The following GHR variants were observed in gnomAD, a reference collection of about 807,000 sequenced individuals.
GHR encodes GH receptor.
Under a neutral mutation model 67.1 loss-of-function variants are expected in GHR, and 35 were observed. The ratio of observed to expected loss-of-function variants is 0.52; its 90% CI spans 0.40 to 0.69. The LOEUF is 0.69. Ranked by LOEUF, GHR falls within the 30% of genes least tolerant of loss-of-function variation. GHR has a pLI of 0.00. For missense variants in GHR, 792 were observed against 764.6 expected (o/e 1.04, Z -0.42); for synonymous variants, 272 against 269.1 (o/e 1.01, Z -0.10).
chr5:42,560,049 A>G (rs371040737), intron 1 of GHR, among the ~76,000 whole-genome samples: 1 of 152,192 alleles, frequency 6.6e-6, no homozygotes, highest in East Asian at 1.9e-4. Flanking sequence ...TATTAACATC[A>G]TGCTTCTAAG....
chr5:42,672,037 A>G (rs1188329397), intron 3 of GHR, among the ~76,000 whole-genome samples: 1 of 152,068 alleles, frequency 6.6e-6, no homozygotes, highest in African/African-American at 2.4e-5. Context: ...ACCCACAACA[A>G]CATAATAATA....
chr5:42,622,028 T>A (rs900157395), intron 2 of GHR, among the ~76,000 whole-genome samples: 2 of 152,110 alleles, frequency 1.3e-5, no homozygotes, highest in Non-Finnish European at 2.9e-5. Context: ...CAAAAGATAT[T>A]CCAGCTTAGA....
intron 6 of GHR, among the ~76,000 whole-genome samples, chr5:42,709,148 TC>T (rs34585655): frequency 6.6e-6 from 1 of 151,750 alleles, no homozygotes; most frequent in Non-Finnish European, 1.5e-5. Context: ...CTTTTTTTTC[TC>T]CCCCCCACAG....
At chr5:42,476,640 C>T (rs1160745983) in intron 1 of GHR, among the ~76,000 whole-genome samples, 4 of 152,176 alleles carry the variant, frequency 2.6e-5, no homozygotes, top group Non-Finnish European at 5.9e-5. Context: ...TCTCCTTTTC[C>T]TCTACTACTT....
intron 4 of GHR, among the ~76,000 whole-genome samples, chr5:42,692,466 C>A (rs1160794751): frequency 2.0e-5 from 3 of 152,162 alleles, no homozygotes; most frequent in East Asian, 1.9e-4. Context: ...GCAAGTGACA[C>A]AGTATCTGTT....
chr5:42,689,611 C>T (rs917299141), intron 4 of GHR, among the ~76,000 whole-genome samples: 7 of 152,038 alleles, frequency 4.6e-5, no homozygotes, highest in South Asian at 4.1e-4. Context: ...ATTGCAAGTA[C>T]AAAGTCCCTG....
At chr5:42,665,701 C>A (rs189516793) in intron 3 of GHR, among the ~76,000 whole-genome samples, 9 of 151,242 alleles carry the variant, frequency 6.0e-5, no homozygotes, top group Non-Finnish European at 8.8e-5. Context: ...ACACATGTGA[C>A]TAACCTGCAC....
At chr5:42,578,998 CT>C (rs1447966923) in intron 2 of GHR, among the ~76,000 whole-genome samples, 1 of 151,934 alleles carries the variant, frequency 6.6e-6, no homozygotes, top group African/African-American at 2.4e-5. Flanking sequence ...AGAATTAGGT[CT>C]GTTTTAGTTC....
intron 3 of GHR, among the ~76,000 whole-genome samples, chr5:42,660,426 G>A (rs553202524): frequency 1.3e-4 from 20 of 152,286 alleles, no homozygotes; most frequent in East Asian, 5.8e-4. Flanking sequence ...CCAGAGGAAC[G>A]ATCAGGCAGC....
At chr5:42,600,641 C>T (rs879355684) in intron 2 of GHR, among the ~76,000 whole-genome samples, 10 of 152,228 alleles carry the variant, frequency 6.6e-5, no homozygotes, top group African/African-American at 1.2e-4. Context: ...TCACAGTCAG[C>T]AGCTATACCA....
intron 1 of GHR, among the ~76,000 whole-genome samples, chr5:42,503,241 C>T (rs1364905415): frequency 6.6e-6 from 1 of 152,082 alleles, no homozygotes; most frequent in Non-Finnish European, 1.5e-5. Flanking sequence ...TTAGGAAATG[C>T]CTTTGACCTT....
chr5:42,576,616 G>A (rs1049662466), intron 2 of GHR, among the ~76,000 whole-genome samples: 4 of 152,102 alleles, frequency 2.6e-5, no homozygotes, highest in African/African-American at 7.2e-5. Flanking sequence ...ATTTGCACAA[G>A]GAAATTTTGG....
intron 2 of GHR, among the ~76,000 whole-genome samples, chr5:42,579,102 G>GAT (rs1750946756): frequency 1.2e-5 from 1 of 84,224 alleles, no homozygotes; most frequent in Non-Finnish European, 2.8e-5. Flanking sequence ...TAGATAGATA[G>GAT]ATAGATAGAT....
At chr5:42,644,415 A>G (rs1580115458) in intron 3 of GHR, among the ~76,000 whole-genome samples, 2 of 152,146 alleles carry the variant, frequency 1.3e-5, no homozygotes. Context: ...GCTGAAAGAA[A>G]TTGTCTGGTT....
intron 1 of GHR, among the ~76,000 whole-genome samples, chr5:42,495,208 C>T (rs138644292): frequency 2.6e-4 from 39 of 151,822 alleles, no homozygotes; most frequent in African/African-American, 8.9e-4. Flanking sequence ...GAAGATGTGC[C>T]CACACCACAT....
Position 42,423,521 on chromosome 5 carries a change from A to G in GHR, c.-446A>G, listed in dbSNP as rs1299738680. On this transcript the variant is annotated 5_prime_UTR_variant, in exon 1 of 10. Transcript: ENST00000230882. The stretch of plus-strand genomic sequence containing the variant: ...ACTCGGAATGCTTGGCCCGGGCGGC[A>G]CTCGGCCTCTCCGCAGCAGTTCTCG... Among the ~76,000 whole-genome samples, 1 of 151,380 alleles carries G rather than the reference A, an allele frequency of 6.6e-6. No individual in the cohort carries two copies. The highest frequency in any genetic ancestry group is 1.5e-5 in the Non-Finnish European group (1 of 67,814).
intron 1 of GHR, among the ~76,000 whole-genome samples, chr5:42,527,469 C>A (rs1478158968): frequency 6.6e-6 from 1 of 152,152 alleles, no homozygotes; most frequent in East Asian, 1.9e-4. Flanking sequence ...CAAAGAAGGG[C>A]ATTACATAAT....
In GHR at chr5:42,714,688, C is replaced by T. The variant is rs567064904; in HGVS notation, c.875+1169C>T. On this transcript the variant is annotated intron_variant, in intron 8 of 9. Coordinates refer to ENST00000230882, the MANE Select transcript of GHR (RefSeq NM_000163.5). ...TTCCATTTTGCACCTAACTTTCTGG[C>T]AACATTCCTGTTTTCCAAAAAAGCA... 9.9e-5 allele frequency among the ~76,000 whole-genome samples: 15 copies of T among 152,234 alleles called. No homozygotes were observed. In the South Asian group the frequency reaches 3.1e-3, roughly 32 times the overall value.
Position 42,565,867 on chromosome 5 carries a change from C to G in GHR, c.-8C>G. ...CTTACCCTTTTTGTGATTGCAGGTCCTACAGGTATGGATCTCTGGCAGCTG... is the reference window on the plus strand; with the variant it reads ...CTTACCCTTTTTGTGATTGCAGGTCGTACAGGTATGGATCTCTGGCAGCTG... On this transcript the variant is annotated 5_prime_UTR_variant, in exon 2 of 10. Transcript: ENST00000230882. 1 of 1,613,942 alleles carries G rather than the reference C, an allele frequency of 6.2e-7. No individual in the cohort carries two copies. Among genetic ancestry groups the G allele is most frequent in the Non-Finnish European group, 8.5e-7 (1 of 1,179,818 alleles).
Sources: allele counts gnomAD v4.1 joint callset (sites outside exome capture counted in the v4.1 genomes callset), GRCh38; gene constraint gnomAD v4.1.1; transcripts MANE v1.5; gene names NCBI Gene and HGNC (gene_info 2026-07-23, HGNC 2026-07-21).